SCFD2: variants seen among roughly 807,000 people sequenced by gnomAD.
The protein encoded by SCFD2 is sec1 family domain-containing protein 2.
A neutral mutation model predicts 58.9 loss-of-function variants in SCFD2; 54 were observed. The observed-to-expected ratio is 0.92, with a 90% CI of 0.74 to 1.15. The LOEUF (loss-of-function observed/expected upper bound fraction) is 1.15, where lower values mean the gene tolerates loss of function less well. SCFD2 is among the 50% of genes most tolerant of loss of function. The pLI is 0.00. For missense variants in SCFD2, 805 were observed against 836.6 expected (o/e 0.96, Z 0.47); for synonymous variants, 321 against 335.9 (o/e 0.96, Z 0.49).
At chr4:53,292,901 G>A (rs964099307) in intron 3 of SCFD2, among the ~76,000 whole-genome samples, 5 of 152,060 alleles carry the variant, frequency 3.3e-5, no homozygotes, top group Non-Finnish European at 5.9e-5. Flanking sequence ...GAGAGCGTTA[G>A]GACAAATATG....
chr4:52,932,513 C>T (rs146348821), intron 5 of SCFD2, among the ~76,000 whole-genome samples: 137 of 152,240 alleles, frequency 9.0e-4, no homozygotes, highest in African/African-American at 3.1e-3. Flanking sequence ...TTATAGGATT[C>T]TGTAAGTATC....
intron 5 of SCFD2, among the ~76,000 whole-genome samples, chr4:53,056,898 C>T (rs1053072485): frequency 2.0e-5 from 3 of 152,048 alleles, no homozygotes; most frequent in African/African-American, 7.2e-5. Context: ...ACAAAAATAT[C>T]ACAGGTTGGG....
chr4:53,140,589 G>T lies in SCFD2; in HGVS notation c.1561+4744C>A, dbSNP rs537333727. Among the ~76,000 whole-genome samples the T allele has an allele frequency of 9.2e-5, 14 of 151,758 alleles. No individual in the cohort carries two copies. The South Asian group carries it at 2.9e-3, about 32-fold the overall frequency. On this transcript the variant is annotated intron_variant, in intron 5 of 8. Coordinates refer to ENST00000401642, the MANE Select transcript of SCFD2 (RefSeq NM_152540.4). ...AGGATGCATTCATAAAAATAGGGAG[G>T]TATGGCAGGATCTATAAGTAGCTAA...
At chr4:53,275,289 G>T (rs999972494) in intron 3 of SCFD2, among the ~76,000 whole-genome samples, 1 of 152,076 alleles carries the variant, frequency 6.6e-6, no homozygotes, top group African/African-American at 2.4e-5. Context: ...TAATTTTTTT[G>T]AAGAGATAAA....
intron 5 of SCFD2, among the ~76,000 whole-genome samples, chr4:53,097,842 G>C (rs1287170717): frequency 1.3e-5 from 2 of 152,142 alleles, no homozygotes; most frequent in Non-Finnish European, 2.9e-5. Flanking sequence ...GTATGATATT[G>C]GCTGTGGGTT....
Position 53,365,282 on chromosome 4 carries a change from C to T in SCFD2, c.660G>A (p.Val220=), listed in dbSNP as rs374698628. The T allele has an allele frequency of 2.5e-5, 41 of 1,614,126 alleles. No individual in the cohort carries two copies. The highest frequency in any genetic ancestry group is 1.5e-5 in the Non-Finnish European group (18 of 1,180,044). Residue 220 remains valine (V), a synonymous_variant, in exon 1 of 9, where the codon GTG becomes GTA. Coordinates refer to ENST00000401642, the MANE Select transcript of SCFD2 (RefSeq NM_152540.4). The surrounding 1 kb of genome is among the most constrained non-coding windows in gnomAD (Gnocchi z 4.3). The part of the protein sequence containing the change: ...PELLLQIRCL[V]SGLSSLCEHL... ...GTTCACACAGAGAACTGAGGCCTGA[C>T]ACTAGGCATCTGATCTGCAGCAGCA...
intron 3 of SCFD2, among the ~76,000 whole-genome samples, chr4:53,285,564 AC>A (rs1560428278): frequency 6.6e-6 from 1 of 151,976 alleles, no homozygotes; most frequent in Admixed American, 6.6e-5. Flanking sequence ...CATCTCCCCA[AC>A]AAAAAAGAAC....
At chr4:53,336,996 C>A (rs1285653990) in intron 2 of SCFD2, among the ~76,000 whole-genome samples, 1 of 151,904 alleles carries the variant, frequency 6.6e-6, no homozygotes. Flanking sequence ...CAATGAGATA[C>A]CACTTCACAC....
chr4:53,072,573 T>C (rs1723849156), intron 5 of SCFD2, among the ~76,000 whole-genome samples: 1 of 151,164 alleles, frequency 6.6e-6, no homozygotes, highest in Admixed American at 6.6e-5. Flanking sequence ...TAATAAAAGA[T>C]TAGGGGGGGG....
chr4:52,879,183 C>G (rs1468815646), intron 8 of SCFD2, among the ~76,000 whole-genome samples: 1 of 152,184 alleles, frequency 6.6e-6, no homozygotes, highest in Admixed American at 6.5e-5. Context: ...CCAGAGGCAT[C>G]CAGGACACTC....
chr4:53,063,294 T>A (rs150168627), intron 5 of SCFD2, among the ~76,000 whole-genome samples: 1,735 of 152,290 alleles, frequency 0.011, 18 homozygotes, highest in Middle Eastern at 0.034. Flanking sequence ...TCAATCTTTA[T>A]ATTAGAAGTT....
At chr4:52,962,043 G>C (rs1398007947) in intron 5 of SCFD2, among the ~76,000 whole-genome samples, 1 of 152,232 alleles carries the variant, frequency 6.6e-6, no homozygotes, top group Non-Finnish European at 1.5e-5. Context: ...TGAATTGAGA[G>C]GATAGTGGTT....
At chr4:53,183,779 T>C (rs1411603343) in intron 4 of SCFD2, among the ~76,000 whole-genome samples, 1 of 152,142 alleles carries the variant, frequency 6.6e-6, no homozygotes, top group African/African-American at 2.4e-5. Flanking sequence ...ACTAGGATGA[T>C]GGAAACTACT....
intron 5 of SCFD2, among the ~76,000 whole-genome samples, chr4:53,082,336 A>G (rs1026292571): frequency 1.3e-5 from 2 of 152,076 alleles, no homozygotes; most frequent in Non-Finnish European, 2.9e-5. Context: ...AATTTTCCCA[A>G]ATCCTCATCA....
intron 5 of SCFD2, among the ~76,000 whole-genome samples, chr4:52,925,291 A>G (rs1308808216): frequency 1.3e-5 from 2 of 150,774 alleles, no homozygotes; most frequent in African/African-American, 2.4e-5. Context: ...TATATGTGCT[A>G]TTTTATATAT....
intron 3 of SCFD2, among the ~76,000 whole-genome samples, chr4:53,289,635 A>G (rs1324292515): frequency 6.6e-6 from 1 of 152,164 alleles, no homozygotes. Flanking sequence ...ATCAATAACA[A>G]TCTTAAATAT....
At chr4:53,357,728 G>A (rs770303968) in intron 1 of SCFD2, among the ~76,000 whole-genome samples, 2 of 152,080 alleles carry the variant, frequency 1.3e-5, no homozygotes, top group Non-Finnish European at 2.9e-5. Context: ...AAAGCAGATC[G>A]GGGAGAAAAA....
chr4:53,195,901 T>G (rs1728044097), intron 4 of SCFD2, among the ~76,000 whole-genome samples: 1 of 152,144 alleles, frequency 6.6e-6, no homozygotes, highest in Non-Finnish European at 1.5e-5. Flanking sequence ...TCACCATATG[T>G]GAAATATCAA....
intron 7 of SCFD2, among the ~76,000 whole-genome samples, chr4:52,898,978 C>CT (rs553705820): frequency 1.3e-5 from 2 of 152,060 alleles, no homozygotes; most frequent in Non-Finnish European, 2.9e-5. Context: ...CAACCCTTGC[C>CT]TTTTTTTGTT....
Sources: gnomAD v4.1 joint callset for allele counts (sites outside exome capture counted in the v4.1 genomes callset) on GRCh38, gnomAD v4.1.1 for gene constraint, Gnocchi (gnomAD v3.1) non-coding constraint, MANE v1.5 for transcripts, NCBI Gene and HGNC (gene_info 2026-07-23, HGNC 2026-07-21) for gene names.